Variants in HFM1 observed in about 807,000 individuals in gnomAD.
HFM1 encodes helicase for meiosis 1.
HFM1 carries 169 observed loss-of-function variants against 192.1 expected under a neutral mutation model. That is an observed-to-expected ratio of 0.88 (90% confidence interval 0.78 to 1.00). HFM1 has a LOEUF of 1.00. Ranked by LOEUF, HFM1 falls within the 50% of genes least tolerant of loss-of-function variation. HFM1 has a pLI of 0.00. For missense variants in HFM1, 1,661 were observed against 1,668.0 expected, an observed-to-expected ratio of 1.00 and a Z score of 0.07; for synonymous variants, 525 against 537.8, an observed-to-expected ratio of 0.98 and a Z score of 0.33.
At chr1:91,383,538 AG>A (rs1661806554) in intron 6 of HFM1, among the ~76,000 whole-genome samples, 1 of 152,164 alleles carries the variant, frequency 6.6e-6, no homozygotes, top group Admixed American at 6.6e-5. Flanking sequence ...TTTCATGAGA[AG>A]TCAGGCAAGT....
rs759412657 is a variant in HFM1 at position 91,261,071 on chromosome 1, T to A, written c.*219A>T. 1 of 314,622 alleles carries A rather than the reference T, an allele frequency of 3.2e-6. No individual in the cohort carries two copies. The highest frequency in any genetic ancestry group is 2.1e-5 in the African/African-American group (1 of 46,588). The allele number at this position is 314,622 out of a possible 1,614,324, so 19.5% of individuals were successfully genotyped here. On this transcript the variant is annotated 3_prime_UTR_variant, in exon 39 of 39. Transcript: ENST00000370425. The stretch of plus-strand genomic sequence containing the variant: ...AATCAGCCCTTAACTTAAGGGCTTA[T>A]TGAAACAAAGCCACTGTAAAAGAGC...
intron 1 of HFM1, 126 bp from the exon 2 acceptor site, chr1:91,401,235 C>T (rs189307746): frequency 1.5e-5 from 8 of 547,012 alleles, no homozygotes; most frequent in Middle Eastern, 5.0e-4. Flanking sequence ...CCAGCTTCAT[C>T]GTCTGCAACT....
intron 30 of HFM1, among the ~76,000 whole-genome samples, chr1:91,297,501 G>A (rs1051247017): frequency 6.6e-6 from 1 of 152,096 alleles, no homozygotes; most frequent in Non-Finnish European, 1.5e-5. Flanking sequence ...TCCTCAAGTG[G>A]GTCCCTTACC....
chr1:91,309,240 T>A (rs1337673139), intron 30 of HFM1, among the ~76,000 whole-genome samples: 1 of 152,182 alleles, frequency 6.6e-6, no homozygotes, highest in Non-Finnish European at 1.5e-5. Flanking sequence ...ACTGCTCCCC[T>A]TATGGGGTCA....
At chr1:91,322,570 T>G (rs935914173) in intron 23 of HFM1, among the ~76,000 whole-genome samples, 1 of 152,174 alleles carries the variant, frequency 6.6e-6, no homozygotes, top group Non-Finnish European at 1.5e-5. Context: ...TACTCATGAT[T>G]TTGCTTTTAC....
chr1:91,397,996 G>A (rs546018865), intron 2 of HFM1, among the ~76,000 whole-genome samples: 1 of 152,300 alleles, frequency 6.6e-6, no homozygotes, highest in South Asian at 2.1e-4. Context: ...AAAAGCAGGT[G>A]TTCAACATAA....
chr1:91,366,794 T>C (rs1167828842), intron 13 of HFM1, among the ~76,000 whole-genome samples: 1 of 152,162 alleles, frequency 6.6e-6, no homozygotes, highest in African/African-American at 2.4e-5. Context: ...GAGCTTGAGC[T>C]GAAGCAGGGC....
rs200064935 is a variant in HFM1 at position 91,324,804 on chromosome 1, C to A, written c.2336-38G>T. 12 of 1,050,664 alleles carry A rather than the reference C, an allele frequency of 1.1e-5. No homozygotes were observed. In the East Asian group the frequency reaches 2.6e-4, roughly 23 times the overall value. 65.1% of individuals were successfully genotyped at this position (1,050,664 alleles called of 1,614,324 possible). A position where few individuals can be genotyped will look rare whatever the true frequency, so the allele number is the denominator to read the frequency against. ...ACAGAAAAATGAACGGTCCCCTCATCAGCTGAACCAACTGTTTTTTTATGT... is the reference window on the plus strand; with the variant it reads ...ACAGAAAAATGAACGGTCCCCTCATAAGCTGAACCAACTGTTTTTTTATGT... On this transcript the variant is annotated intron_variant, in intron 20 of 38. Coordinates refer to ENST00000370425, the MANE Select transcript of HFM1 (RefSeq NM_001017975.6).
intron 20 of HFM1, among the ~76,000 whole-genome samples, chr1:91,338,165 C>T (rs1654842968): frequency 6.6e-6 from 1 of 152,166 alleles, no homozygotes; most frequent in Non-Finnish European, 1.5e-5. Context: ...TCATGACCCC[C>T]ACAGACATTT....
rs575564120 is a variant in HFM1, at chr1:91,387,502, G to A, written c.495-1668C>T. 1.0e-3 allele frequency among the ~76,000 whole-genome samples: 155 copies of A among 152,002 alleles called. 1 individual carries two copies. The highest frequency in any genetic ancestry group is 3.7e-3 in the African/African-American group (154 of 41,438). On this transcript the variant is annotated intron_variant, in intron 4 of 38. Transcript: ENST00000370425. ...CCCTTCTGCTCCACGGGAGGTTTCTGTCCTCCCTGAGCTCGCCTTAGGACA... is the reference window on the plus strand; with the variant it reads ...CCCTTCTGCTCCACGGGAGGTTTCTATCCTCCCTGAGCTCGCCTTAGGACA...
chr1:91,278,871 T>C (rs1013716514), intron 30 of HFM1, among the ~76,000 whole-genome samples: 6 of 152,058 alleles, frequency 3.9e-5, no homozygotes, highest in Non-Finnish European at 7.4e-5. Context: ...TCTGTGACCA[T>C]AGTAGAAGAA....
chr1:91,331,969 GA>G (rs1653894969), intron 20 of HFM1, among the ~76,000 whole-genome samples: 1 of 151,766 alleles, frequency 6.6e-6, no homozygotes, highest in Non-Finnish European at 1.5e-5. Flanking sequence ...ACCAAAAAAT[GA>G]AAAAATATTC....
At chr1:91,321,554 T>C in intron 23 of HFM1, among the ~76,000 whole-genome samples, 1 of 152,090 alleles carries the variant, frequency 6.6e-6, no homozygotes, top group Non-Finnish European at 1.5e-5. Context: ...AGAACAGATT[T>C]GAAGTTCAGC....
intron 25 of HFM1, among the ~76,000 whole-genome samples, chr1:91,317,345 C>T (rs950463198): frequency 2.6e-5 from 4 of 152,078 alleles, no homozygotes; most frequent in Non-Finnish European, 5.9e-5. Flanking sequence ...ACCCGAGAGG[C>T]GGAGGTTGCG....
At chr1:91,385,281 A>C in intron 5 of HFM1, 47 bp from the exon 6 acceptor site, 1 of 1,106,538 alleles carries the variant, frequency 9.0e-7, no homozygotes, top group African/African-American at 1.6e-5. Context: ...AAAAAAAATT[A>C]ATGGTCAGAA....
At chr1:91,397,356 TA>T (rs1182123624) in intron 2 of HFM1, among the ~76,000 whole-genome samples, 6 of 152,198 alleles carry the variant, frequency 3.9e-5, no homozygotes, top group African/African-American at 1.4e-4. Context: ...GATACTGCTT[TA>T]ATGGTTCCTT....
chr1:91,280,830 C>T (rs1667393825), intron 30 of HFM1, among the ~76,000 whole-genome samples: 2 of 152,212 alleles, frequency 1.3e-5, no homozygotes, highest in African/African-American at 4.8e-5. Flanking sequence ...GCTGATCTTG[C>T]TTTGCCATCT....
intron 36 of HFM1, among the ~76,000 whole-genome samples, chr1:91,263,120 T>C (rs1486949566): frequency 6.6e-6 from 1 of 152,132 alleles, no homozygotes; most frequent in African/African-American, 2.4e-5. Flanking sequence ...GTCAGGGAGT[T>C]ACCATCAAGC....
intron 36 of HFM1, among the ~76,000 whole-genome samples, chr1:91,265,418 C>T (rs1665665055): frequency 6.6e-6 from 1 of 152,188 alleles, no homozygotes; most frequent in Non-Finnish European, 1.5e-5. Flanking sequence ...TGCACAGTAA[C>T]AACTGCTTGG....
Sources: allele counts gnomAD v4.1 joint callset (sites outside exome capture counted in the v4.1 genomes callset), GRCh38; gene constraint gnomAD v4.1.1; transcripts MANE v1.5; gene names NCBI Gene and HGNC (gene_info 2026-07-23, HGNC 2026-07-21).